CFAP251: variants seen among roughly 807,000 people sequenced by gnomAD.
CFAP251 encodes cilia and flagella associated protein 251.
A neutral mutation model predicts 126.7 loss-of-function variants in CFAP251; 93 were observed. That is an observed-to-expected ratio of 0.73 (90% CI 0.62 to 0.87). The LOEUF (loss-of-function observed/expected upper bound fraction) is 0.87, where lower values mean the gene tolerates loss of function less well. Ranked by LOEUF, CFAP251 falls within the 40% of genes least tolerant of loss-of-function variation. The pLI, the probability that CFAP251 is intolerant of heterozygous loss-of-function variation, is 0.00. For missense variants in CFAP251, 1,287 were observed against 1,389.2 expected (o/e 0.93, Z 1.17); for synonymous variants, 503 against 506.9 (o/e 0.99, Z 0.10).
chr12:121,985,533 C>G (rs1565922792), intron 19 of CFAP251, among the ~76,000 whole-genome samples: 1 of 102,154 alleles, frequency 9.8e-6, no homozygotes, highest in Non-Finnish European at 1.7e-5. Context: ...AAGACTCCAT[C>G]TCAAAAAAAA....
intron 9 of CFAP251, chr12:121,953,362 T>G (rs761468144): frequency 2.6e-5 from 4 of 152,272 alleles, no homozygotes; most frequent in Admixed American, 6.5e-5. Flanking sequence ...ACTGGAAATG[T>G]GCATGTTGAG....
intron 13 of CFAP251, among the ~76,000 whole-genome samples, chr12:121,960,041 G>C (rs147849062): frequency 2.0e-5 from 3 of 152,116 alleles, no homozygotes; most frequent in African/African-American, 4.8e-5. Context: ...GCTGAGGCTG[G>C]AGGATCTTTT....
rs150940900 is a variant in CFAP251 at position 121,923,917 on chromosome 12, G to A, written c.674G>A (p.Arg225Gln). ...SDIQSKAGIS[R>Q]ESLVSSTTED... ...ATCCAGTCCAAAGCAGGGATCTCCC[G>A]GGAGTCACTGGTGTCCAGCACCACA... The change falls in exon 3 of 22, where the codon CGG (arginine) becomes CAG (glutamine). Residue 225 changes from arginine to glutamine, a missense_variant. Physicochemically the swap from Arg to Gln is conservative, Grantham distance 43 (BLOSUM62 1). Coordinates refer to ENST00000288912, the MANE Select transcript of CFAP251 (RefSeq NM_144668.6). The A allele has an allele frequency of 7.4e-6, 12 of 1,614,048 alleles. No individual in the cohort carries two copies. Among genetic ancestry groups the A allele is most frequent in the Middle Eastern group, 1.7e-4 (1 of 6,050 alleles).
chr12:121,960,753 C>G lies in CFAP251; in HGVS notation c.2302C>G (p.Leu768Val). 6.2e-7 allele frequency: 1 copy of G among 1,613,036 alleles called. No homozygotes were observed. The highest frequency in any genetic ancestry group is 8.5e-7 in the Non-Finnish European group (1 of 1,179,792). ...ACTGCTGAGCCTTGGGACAGACAGG[C>G]TCTTGGTGAGCTGTTTAGTTTTCGT... ...PRLLSLGTDRLLIEYDLLRSY... is the reference protein window; with the variant it reads ...PRLLSLGTDRVLIEYDLLRSY... Residue 768 changes from leucine (L) to valine (V), a missense_variant, in exon 14 of 22, where the codon CTC (leucine) becomes GTC (valine). Physicochemically the swap from Leu to Val is conservative, Grantham distance 32. Coordinates refer to ENST00000288912, the MANE Select transcript of CFAP251 (RefSeq NM_144668.6).
At chr12:121,948,849 T>C (rs1248124093) in intron 7 of CFAP251, 135 bp from the exon 8 acceptor site, 1 of 541,162 alleles carries the variant, frequency 1.8e-6, no homozygotes, top group East Asian at 3.4e-5. Context: ...TATTTTTTTT[T>C]ACGAAATGCG....
At chr12:121,971,807 C>G (rs890469640) in intron 17 of CFAP251, 3 of 541,036 alleles carry the variant, frequency 5.5e-6, no homozygotes, top group Non-Finnish European at 1.0e-5. Context: ...AATTGTACTC[C>G]GATAATTCCC....
rs1221894739 is a variant in CFAP251, at chr12:121,989,105, T to G, written c.3007-10611T>G. ...GGTGCATGAGGCAGGATCAGGATTT[T>G]AGAGAGCTGTGGACACAGAATTAGC... On this transcript the variant is annotated intron_variant, in intron 19 of 21. Coordinates refer to ENST00000288912, the MANE Select transcript of CFAP251 (RefSeq NM_144668.6). The surrounding 1 kb of genome is among the most constrained non-coding windows in gnomAD (Gnocchi z 4.2). 6.6e-6 allele frequency among the ~76,000 whole-genome samples: 1 copy of G among 152,172 alleles called. No individual in the cohort carries two copies. Among genetic ancestry groups the G allele is most frequent in the Non-Finnish European group, 1.5e-5 (1 of 68,020 alleles).
chr12:121,958,664 T>G, intron 12 of CFAP251, 142 bp downstream of exon 12: 1 of 1,356,152 alleles, frequency 7.4e-7, no homozygotes, highest in Non-Finnish European at 1.0e-6. Flanking sequence ...TCTCTGGGGC[T>G]CCCGTGGTGT....
chr12:121,942,659 C>T lies in CFAP251; in HGVS notation c.1110+14C>T. The T allele has an allele frequency of 6.2e-7, 1 of 1,602,096 alleles. No individual in the cohort carries two copies. The highest frequency in any genetic ancestry group is 8.5e-7 in the Non-Finnish European group (1 of 1,173,510). ...GCTGAAGTCCAGGTAAAGGCCCTGG[C>T]CCTTTGGGTCAGCATCAGCGAGCTG... On this transcript the variant is annotated intron_variant, in intron 6 of 21. Transcript: ENST00000288912.
At chr12:121,988,640 A>T (rs1882805320) in intron 19 of CFAP251, among the ~76,000 whole-genome samples, 1 of 152,112 alleles carries the variant, frequency 6.6e-6, no homozygotes, top group Admixed American at 6.6e-5. Context: ...TCACGAACAG[A>T]TGGACATTTA....
chr12:121,968,051 T>C lies in CFAP251; in HGVS notation c.2653T>C (p.Ser885Pro). The C allele has an allele frequency of 6.2e-7, 1 of 1,613,138 alleles. No homozygotes were observed. The highest frequency in any genetic ancestry group is 1.1e-5 in the South Asian group (1 of 91,014). ...AGTTGACGGCAATCCACATAAGACA[T>C]CTGCTATTGTTTGCCACCCGAACGG... ...LPVDGNPHKTSAIVCHPNGVA... is the reference protein window; with the variant it reads ...LPVDGNPHKTPAIVCHPNGVA... Residue 885 changes from serine (S) to proline (P), a missense_variant, in exon 17 of 22, where the codon TCT (serine) becomes CCT (proline). Ser to Pro is a moderately conservative substitution (Grantham distance 74). Coordinates refer to ENST00000288912, the MANE Select transcript of CFAP251 (RefSeq NM_144668.6).
chr12:121,941,096 T>C (rs913768988), intron 5 of CFAP251, among the ~76,000 whole-genome samples: 5 of 152,122 alleles, frequency 3.3e-5, no homozygotes, highest in African/African-American at 1.2e-4. Context: ...AATGGTGTAA[T>C]CTTGGCTCAC....
rs781530473 is a variant in CFAP251 at position 121,942,591 on chromosome 12, G to C, written c.1056G>C (p.Met352Ile). The change falls in exon 6 of 22, where the codon ATG becomes ATC. Residue 352 changes from methionine (M) to isoleucine (I), a missense_variant. By Grantham distance (10) the Met-to-Ile change is conservative. Transcript: ENST00000288912. ...CTGAAGGGAATGGCATCATGGCCAT[G>C]GCCATGACCCACGACGCCAAGTATC... The part of the protein sequence containing the change: ...SCPEGNGIMA[M>I]AMTHDAKYLA... 6.2e-7 allele frequency: 1 copy of C among 1,613,816 alleles called. No homozygotes were observed. Among genetic ancestry groups the C allele is most frequent in the Non-Finnish European group, 8.5e-7 (1 of 1,180,004 alleles).
Position 121,923,828 on chromosome 12 carries a change from A to T in CFAP251, c.585A>T (p.Gly195=). The T allele has an allele frequency of 6.2e-7, 1 of 1,614,194 alleles. No homozygotes were observed. The highest frequency in any genetic ancestry group is 8.5e-7 in the Non-Finnish European group (1 of 1,180,040). The change falls in exon 3 of 22, where the codon GGA becomes GGT. Residue 195 remains glycine (G), a synonymous_variant. Transcript: ENST00000288912. ...KTDRMPQDEL[G]QERRDLEPEN... is the part of the protein sequence containing the mutation. ...ACCGGATGCCCCAAGATGAACTGGG[A>T]CAAGAAAGAAGGGACTTGGAGCCAG... is the stretch of plus-strand genomic sequence containing the variant.
intron 15 of CFAP251, among the ~76,000 whole-genome samples, chr12:121,965,344 G>C (rs796510076): frequency 1.2e-4 from 19 of 152,334 alleles, no homozygotes; most frequent in African/African-American, 4.3e-4. Flanking sequence ...CTGGGGGCGG[G>C]TGTGAATCAG....
chr12:121,950,872 A>G (rs1055901358), intron 8 of CFAP251: 1 of 151,958 alleles, frequency 6.6e-6, no homozygotes, highest in African/African-American at 2.4e-5. Context: ...GTGACTTTAC[A>G]TAGTACTTAA....
chr12:121,942,625 A>T lies in CFAP251; in HGVS notation c.1090A>T (p.Ile364Phe). Residue 364 changes from isoleucine (I) to phenylalanine (F), a missense_variant, in exon 6 of 22, where the codon ATC (isoleucine) becomes TTC (phenylalanine). Transcript: ENST00000288912. The part of the protein sequence containing the change: ...MTHDAKYLAT[I>F]SDAEVQKVCI... ...CCACGACGCCAAGTATCTGGCAACCATCTCAGATGCTGAAGTCCAGGTAAA... is the reference window on the plus strand; with the variant it reads ...CCACGACGCCAAGTATCTGGCAACCTTCTCAGATGCTGAAGTCCAGGTAAA... The T allele has an allele frequency of 6.2e-7, 1 of 1,612,824 alleles. No homozygotes were observed. Among genetic ancestry groups the T allele is most frequent in the Non-Finnish European group, 8.5e-7 (1 of 1,179,952 alleles).
At chr12:121,966,689 G>A (rs1275409382) in intron 15 of CFAP251, among the ~76,000 whole-genome samples, 2 of 150,086 alleles carry the variant, frequency 1.3e-5, no homozygotes, top group African/African-American at 4.9e-5. Context: ...AGTTTCAAGC[G>A]ATTCTCCTGC....
rs886095285 is a variant in CFAP251, at chr12:121,970,220, C to T, written c.2771+2051C>T. Among the ~76,000 whole-genome samples the T allele has an allele frequency of 2.6e-5, 4 of 152,094 alleles. No homozygotes were observed. In the East Asian group the frequency reaches 7.7e-4, roughly 29 times the overall value. Reference sequence around the variant, plus strand: ...CCATCCCCTCTCTCAGGGTTCATTCCGCACGCCCCTTCTTCTCCTGCTCCG... The same window carrying T: ...CCATCCCCTCTCTCAGGGTTCATTCTGCACGCCCCTTCTTCTCCTGCTCCG... On this transcript the variant is annotated intron_variant, in intron 17 of 21. Coordinates refer to ENST00000288912, the MANE Select transcript of CFAP251 (RefSeq NM_144668.6).
Sources: gnomAD v4.1 joint callset for allele counts (sites outside exome capture counted in the v4.1 genomes callset) on GRCh38, gnomAD v4.1.1 for gene constraint, Gnocchi (gnomAD v3.1) non-coding constraint, MANE v1.5 for transcripts, NCBI Gene and HGNC (gene_info 2026-07-23, HGNC 2026-07-21) for gene names.